The following CACNG4 variants were observed in gnomAD, a reference collection of about 807,000 sequenced individuals.
CACNG4 encodes voltage-dependent calcium channel gamma-4 subunit.
A neutral mutation model predicts 22.9 loss-of-function variants in CACNG4; 8 were observed. That is an observed-to-expected ratio of 0.35 (90% confidence interval 0.21 to 0.63). The LOEUF (loss-of-function observed/expected upper bound fraction) is 0.63, where lower values mean the gene tolerates loss of function less well. Among genes scored for constraint, CACNG4 ranks in the 30% least tolerant of loss-of-function variants. The probability of loss-of-function intolerance (pLI) is 0.72; values close to 1 mark genes in which losing one functional copy is unlikely to be tolerated. For missense variants in CACNG4, 357 were observed against 455.4 expected (o/e 0.78, Z 1.97); for synonymous variants, 188 against 191.9 (o/e 0.98, Z 0.17).
At chr17:67,000,147 A>G (rs1427089457) in intron 1 of CACNG4, among the ~76,000 whole-genome samples, 4 of 152,146 alleles carry the variant, frequency 2.6e-5, no homozygotes, top group African/African-American at 9.7e-5. Context: ...CGCTGCATTC[A>G]GGACTCTCCT....
intron 1 of CACNG4, among the ~76,000 whole-genome samples, chr17:66,991,661 C>A (rs570330126): frequency 6.6e-6 from 1 of 152,240 alleles, no homozygotes; most frequent in Admixed American, 6.5e-5. Context: ...GGGGAACCAT[C>A]CAGACAGGAT....
intron 3 of CACNG4, among the ~76,000 whole-genome samples, chr17:67,029,885 TG>T (rs1393978306): frequency 6.6e-6 from 1 of 152,190 alleles, no homozygotes; most frequent in Non-Finnish European, 1.5e-5. Context: ...CTGCAAGGAA[TG>T]CACCCCGTGG....
intron 1 of CACNG4, among the ~76,000 whole-genome samples, chr17:67,006,039 G>A (rs1354911543): frequency 1.3e-5 from 2 of 152,190 alleles, no homozygotes; most frequent in Non-Finnish European, 2.9e-5. Context: ...CCACCTGGGA[G>A]CCTCTGGCAG....
chr17:67,011,451 T>A (rs1050330348), intron 1 of CACNG4, among the ~76,000 whole-genome samples: 4 of 152,204 alleles, frequency 2.6e-5, no homozygotes, highest in Admixed American at 1.3e-4. Flanking sequence ...TCTTCACTCA[T>A]GGCGCCACCT....
At position 66,977,586 on chromosome 17, in the gene CACNG4, T is replaced by C. The variant is rs577119034; in HGVS notation, c.220+12455T>C. 4.6e-5 allele frequency among the ~76,000 whole-genome samples: 7 copies of C among 152,268 alleles called. No homozygotes were observed. The East Asian group carries it at 1.2e-3, about 25-fold the overall frequency. The stretch of plus-strand genomic sequence containing the variant: ...ATAGACCCTCCCCTCCCCCATCTCA[T>C]CAGATGATCAGAACGATTAAATGAG... On this transcript the variant is annotated intron_variant, in intron 1 of 3. Coordinates refer to ENST00000262138, the MANE Select transcript of CACNG4 (RefSeq NM_014405.4).
intron 1 of CACNG4, among the ~76,000 whole-genome samples, chr17:66,998,889 A>G (rs1020553963): frequency 6.6e-6 from 1 of 152,204 alleles, no homozygotes; most frequent in African/African-American, 2.4e-5. Flanking sequence ...TGAAGGGGAG[A>G]TGCTCCTGAG....
At chr17:66,979,840 C>T (rs1025929610) in intron 1 of CACNG4, among the ~76,000 whole-genome samples, 1 of 148,178 alleles carries the variant, frequency 6.7e-6, no homozygotes, top group Admixed American at 6.9e-5. Context: ...ACCTCTACCT[C>T]CTGGGTCCTG....
At chr17:67,006,361 G>A (rs1050748368) in intron 1 of CACNG4, among the ~76,000 whole-genome samples, 6 of 152,154 alleles carry the variant, frequency 3.9e-5, no homozygotes, top group South Asian at 2.1e-4. Context: ...CTCCCAGGGC[G>A]CCTCGGCTGA....
chr17:66,978,696 G>C (rs1386123800), intron 1 of CACNG4, among the ~76,000 whole-genome samples: 1 of 152,226 alleles, frequency 6.6e-6, no homozygotes, highest in Non-Finnish European at 1.5e-5. Flanking sequence ...TGACGGCCCA[G>C]GTTCCCCAGG....
At chr17:66,999,454 G>C (rs75911627) in intron 1 of CACNG4, among the ~76,000 whole-genome samples, 9,571 of 152,260 alleles carry the variant, frequency 0.063, 450 homozygotes, top group East Asian at 0.23. Context: ...CAATTTATAA[G>C]GAAAGAGGCT....
intron 1 of CACNG4, among the ~76,000 whole-genome samples, chr17:66,977,867 G>A (rs2035247557): frequency 6.6e-6 from 1 of 152,302 alleles, no homozygotes; most frequent in Admixed American, 6.5e-5. Context: ...TTACTCTCTG[G>A]TTCTGGAGAC....
chr17:66,987,732 T>C (rs1422989431), intron 1 of CACNG4, among the ~76,000 whole-genome samples: 1 of 152,050 alleles, frequency 6.6e-6, no homozygotes, highest in Non-Finnish European at 1.5e-5. Context: ...GGGGGCGAAA[T>C]ACCCTGACTT....
intron 1 of CACNG4, among the ~76,000 whole-genome samples, chr17:66,976,634 C>G (rs536871237): frequency 3.3e-5 from 5 of 152,006 alleles, no homozygotes; most frequent in African/African-American, 1.2e-4. Context: ...CATCTTCTTT[C>G]TATCCCTGAG....
In CACNG4 at chr17:67,031,768, C is replaced by A; in HGVS notation, c.*764C>A. On this transcript the variant is annotated 3_prime_UTR_variant, in exon 4 of 4. Coordinates refer to ENST00000262138, the MANE Select transcript of CACNG4 (RefSeq NM_014405.4). This position sits in a 1 kb window ranked among gnomAD's most constrained non-coding sequence, Gnocchi z 4.0. ...CAGGACAGACCCACTGACTGGACTT[C>A]AGAGTCTGGAGGGTTCCATCGGTCA... 1 of 456,750 alleles carries A rather than the reference C, an allele frequency of 2.2e-6. No homozygotes were observed. The highest frequency in any genetic ancestry group is 4.4e-6 in the Non-Finnish European group (1 of 226,980). 28.3% of individuals were successfully genotyped at this position (456,750 alleles called of 1,614,324 possible).
chr17:67,002,646 C>G (rs749555851), intron 1 of CACNG4, among the ~76,000 whole-genome samples: 12 of 151,242 alleles, frequency 7.9e-5, no homozygotes, highest in Admixed American at 2.0e-4. Flanking sequence ...CTCTCTCTCT[C>G]CATCCTCAAA....
At chr17:66,996,037 C>A (rs753413500) in intron 1 of CACNG4, among the ~76,000 whole-genome samples, 36 of 152,124 alleles carry the variant, frequency 2.4e-4, no homozygotes, top group Non-Finnish European at 4.6e-4. Context: ...GGATTCGCCT[C>A]TAGGACATTA....
intron 1 of CACNG4, among the ~76,000 whole-genome samples, chr17:67,011,496 T>C (rs2035467709): frequency 6.6e-6 from 1 of 152,168 alleles, no homozygotes; most frequent in Non-Finnish European, 1.5e-5. Context: ...TTTATCTTCT[T>C]GTGTCAACAG....
intron 1 of CACNG4, among the ~76,000 whole-genome samples, chr17:66,994,564 G>C (rs1263642273): frequency 6.6e-6 from 1 of 152,190 alleles, no homozygotes; most frequent in Non-Finnish European, 1.5e-5. Context: ...CCCAGTCCTG[G>C]TGACCACGGA....
intron 2 of CACNG4, among the ~76,000 whole-genome samples, chr17:67,021,907 G>A (rs563657557): frequency 1.1e-4 from 16 of 152,244 alleles, no homozygotes; most frequent in Admixed American, 4.6e-4. Flanking sequence ...AGCCACCTGC[G>A]CTGTGCCCGA....
Sources: allele counts gnomAD v4.1 joint callset (sites outside exome capture counted in the v4.1 genomes callset), GRCh38; gene constraint gnomAD v4.1.1; non-coding constraint Gnocchi (gnomAD v3.1); transcripts MANE v1.5; gene names NCBI Gene and HGNC (gene_info 2026-07-23, HGNC 2026-07-21).